Variants in HPGDS observed in about 807,000 individuals in gnomAD.
The protein encoded by HPGDS is hematopoietic prostaglandin D synthase.
Under a neutral mutation model 23.1 loss-of-function variants are expected in HPGDS, and 26 were observed. The ratio of observed to expected loss-of-function variants is 1.13; its 90% CI spans 0.83 to 1.56. The LOEUF is 1.56. HPGDS is among the 40% of genes most tolerant of loss of function. HPGDS has a pLI of 0.00. For missense variants in HPGDS, 268 were observed against 236.4 expected (o/e 1.13, Z -0.88); for synonymous variants, 95 against 77.9 (o/e 1.22, Z -1.16).
Position 94,325,216 on chromosome 4 carries a change from C to T in HPGDS, c.134-7251G>A, listed in dbSNP as rs574079763. Reference sequence around the variant, plus strand: ...TCAGCCCCTACTGGGAGCTATCTCCCAGTTAGGCTACTCGGGGGTCAGGGA... The same window carrying T: ...TCAGCCCCTACTGGGAGCTATCTCCTAGTTAGGCTACTCGGGGGTCAGGGA... On this transcript the variant is annotated intron_variant, in intron 2 of 5. Coordinates refer to ENST00000295256, the MANE Select transcript of HPGDS (RefSeq NM_014485.3). Among the ~76,000 whole-genome samples the T allele has an allele frequency of 3.9e-5, 6 of 152,328 alleles. No homozygotes were observed. The South Asian group carries it at 6.2e-4, about 16-fold the overall frequency.
intron 2 of HPGDS, among the ~76,000 whole-genome samples, chr4:94,324,012 C>T (rs547357352): frequency 5.3e-5 from 8 of 152,234 alleles, no homozygotes; most frequent in South Asian, 4.1e-4. Flanking sequence ...TTCTCCTTCA[C>T]TTATGAAGCT....
rs6810919 is a variant in HPGDS, at chr4:94,309,789, C to T, written c.227-1046G>A. On this transcript the variant is annotated intron_variant, in intron 3 of 5. Transcript: ENST00000295256. ...TATTTCTCCACATCCTCTCCAGCAC[C>T]TGTTGTTTCCTGACTTTTTAATGAT... Among the ~76,000 whole-genome samples, 936 of 151,780 alleles carry T rather than the reference C, an allele frequency of 6.2e-3. 9 individuals carry two copies. Among genetic ancestry groups the T allele is most frequent in the African/African-American group, 0.02 (841 of 41,456 alleles).
chr4:94,307,725 T>C (rs1415103089), intron 4 of HPGDS, among the ~76,000 whole-genome samples: 1 of 152,090 alleles, frequency 6.6e-6, no homozygotes, highest in Non-Finnish European at 1.5e-5. Flanking sequence ...GAAAATCGTA[T>C]TGGCAGGCTA....
At chr4:94,334,426 TCA>T in intron 2 of HPGDS, 69 bp downstream of exon 2, 1 of 1,372,050 alleles carries the variant, frequency 7.3e-7, no homozygotes, top group Non-Finnish European at 9.8e-7. Flanking sequence ...GATTTTTTTT[TCA>T]TTTCCCTGAG....
At chr4:94,315,110 G>T (rs559337189) in intron 3 of HPGDS, among the ~76,000 whole-genome samples, 1 of 152,172 alleles carries the variant, frequency 6.6e-6, no homozygotes, top group Non-Finnish European at 1.5e-5. Flanking sequence ...GCCTCACCCT[G>T]TTTCAGCTCA....
chr4:94,304,281 C>T (rs551649561), intron 4 of HPGDS, among the ~76,000 whole-genome samples: 2 of 152,268 alleles, frequency 1.3e-5, no homozygotes, highest in South Asian at 2.1e-4. Context: ...CAGGCCTTCT[C>T]ATTCTTCTTC....
chr4:94,325,327 G>T (rs1008341417), intron 2 of HPGDS, among the ~76,000 whole-genome samples: 3 of 152,204 alleles, frequency 2.0e-5, no homozygotes, highest in East Asian at 1.9e-4. Flanking sequence ...TGTCAGACAG[G>T]GACGTTTAAG....
intron 1 of HPGDS, among the ~76,000 whole-genome samples, chr4:94,334,987 T>G (rs1720969583): frequency 6.6e-6 from 1 of 152,230 alleles, no homozygotes; most frequent in Non-Finnish European, 1.5e-5. Context: ...CTCCTTTTAG[T>G]CACTGGTAAT....
chr4:94,322,784 T>G (rs1756543253), intron 2 of HPGDS, among the ~76,000 whole-genome samples: 1 of 152,198 alleles, frequency 6.6e-6, no homozygotes, highest in Non-Finnish European at 1.5e-5. Flanking sequence ...CTGATCTTAC[T>G]TATTTCTTGC....
At chr4:94,301,662 C>T (rs1014045974) in intron 5 of HPGDS, among the ~76,000 whole-genome samples, 25 of 151,676 alleles carry the variant, frequency 1.6e-4, no homozygotes, top group African/African-American at 6.1e-4. Flanking sequence ...ATTTTTGTAC[C>T]CACAATATAA....
chr4:94,312,312 G>A (rs1348010141), intron 3 of HPGDS, among the ~76,000 whole-genome samples: 5 of 152,120 alleles, frequency 3.3e-5, no homozygotes, highest in Admixed American at 1.3e-4. Context: ...TACTTTAAAT[G>A]TGTCCCAGAG....
intron 2 of HPGDS, chr4:94,334,270 A>G (rs1756784815): frequency 8.0e-6 from 3 of 373,418 alleles, no homozygotes; most frequent in East Asian, 4.2e-5. Flanking sequence ...ATTGTCTGCT[A>G]AAGCTTTATA....
chr4:94,322,813 T>G lies in HPGDS; in HGVS notation c.134-4848A>C, dbSNP rs537929567. 1.4e-3 allele frequency among the ~76,000 whole-genome samples: 210 copies of G among 152,332 alleles called. 1 individual carries two copies. In the Middle Eastern group the frequency reaches 0.02, roughly 15 times the overall value. ...TTCTTGCCTTCTGCTAGCTTTTGAA[T>G]GTGTTTGCTCTTGCTTCTCTAGTTC... On this transcript the variant is annotated intron_variant, in intron 2 of 5. Transcript: ENST00000295256.
chr4:94,319,213 A>G (rs1489918829), intron 2 of HPGDS, among the ~76,000 whole-genome samples: 1 of 152,214 alleles, frequency 6.6e-6, no homozygotes, highest in Non-Finnish European at 1.5e-5. Flanking sequence ...ATTTGGGTGC[A>G]CATATATTTA....
chr4:94,334,943 CA>C (rs1037969205), intron 1 of HPGDS, among the ~76,000 whole-genome samples: 4 of 151,698 alleles, frequency 2.6e-5, no homozygotes, highest in Admixed American at 2.0e-4. Flanking sequence ...GAGCATGGAG[CA>C]AAAAAAACTT....
rs150103950 is a variant in HPGDS at position 94,323,415 on chromosome 4, C to T, written c.134-5450G>A. 8.5e-3 allele frequency among the ~76,000 whole-genome samples: 1,293 copies of T among 152,260 alleles called. 7 individuals are homozygous for T. The highest frequency in any genetic ancestry group is 0.054 in the Middle Eastern group (16 of 294). ...GGAGCCTAAGTCTCTTTGTAGGTCT[C>T]TAAGGACTTGGTTTATGAATCTGGA... On this transcript the variant is annotated intron_variant, in intron 2 of 5. Coordinates refer to ENST00000295256, the MANE Select transcript of HPGDS (RefSeq NM_014485.3).
chr4:94,333,077 G>C (rs1292337721), intron 2 of HPGDS, among the ~76,000 whole-genome samples: 1 of 152,190 alleles, frequency 6.6e-6, no homozygotes, highest in Non-Finnish European at 1.5e-5. Flanking sequence ...TCCAGTGATG[G>C]AATGTGTTGA....
chr4:94,342,185 A>G (rs113754890), intron 1 of HPGDS, among the ~76,000 whole-genome samples: 5,718 of 151,862 alleles, frequency 0.038, 350 homozygotes, highest in African/African-American at 0.13. Context: ...ATTTTAAGTG[A>G]CTGTTTCACA....
At position 94,341,194 on chromosome 4, in the gene HPGDS, AAACT is replaced by A. The variant is rs149426578; in HGVS notation, c.-10+1597_-10+1600del. On this transcript the variant is annotated intron_variant, in intron 1 of 5. Coordinates refer to ENST00000295256, the MANE Select transcript of HPGDS (RefSeq NM_014485.3). ...AGGTATGTCTTAATCAGCAGCGTGA[AAACT>A]AACTAATACAATGCTGATTTATTTC... Among the ~76,000 whole-genome samples, 357 of 152,262 alleles carry A rather than the reference AAACT, an allele frequency of 2.3e-3. 10 individuals carry two copies. In the East Asian group the frequency reaches 0.061, roughly 26 times the overall value.
Sources: allele counts gnomAD v4.1 joint callset (sites outside exome capture counted in the v4.1 genomes callset), GRCh38; gene constraint gnomAD v4.1.1; transcripts MANE v1.5; gene names NCBI Gene and HGNC (gene_info 2026-07-23, HGNC 2026-07-21).